PRKN: variants seen among roughly 807,000 people sequenced by gnomAD.
PRKN encodes the protein parkin RBR E3 ubiquitin protein ligase, also known as E3 ubiquitin-protein ligase parkin.
A neutral mutation model predicts 59.5 loss-of-function variants in PRKN; 56 were observed. The ratio of observed to expected loss-of-function variants is 0.94; its 90% CI spans 0.76 to 1.18. PRKN has a LOEUF of 1.18. PRKN is among the 50% of genes most tolerant of loss of function. The pLI, the probability that PRKN is intolerant of heterozygous loss-of-function variation, is 0.00. For synonymous variants in PRKN, 250 were observed against 222.1 expected (o/e 1.13, Z -1.12); for missense variants, 657 against 596.4 (o/e 1.10, Z -1.06).
intron 1 of PRKN, among the ~76,000 whole-genome samples, chr6:162,569,984 C>G (rs1780250631): frequency 6.6e-6 from 1 of 152,038 alleles, no homozygotes; most frequent in South Asian, 2.1e-4. Flanking sequence ...GGCTTCTGCA[C>G]AGTAAAAGGA....
chr6:162,229,129 A>C (rs1469685526), intron 3 of PRKN, among the ~76,000 whole-genome samples: 1 of 152,140 alleles, frequency 6.6e-6, no homozygotes, highest in East Asian at 1.9e-4. Flanking sequence ...AGATTTGTAC[A>C]GCAAATTGTC....
chr6:162,725,044 T>C (rs775014177), intron 1 of PRKN, among the ~76,000 whole-genome samples: 1 of 152,208 alleles, frequency 6.6e-6, no homozygotes, highest in Non-Finnish European at 1.5e-5. Context: ...CTAGCCCACC[T>C]CCGTTTGTGA....
intron 4 of PRKN, among the ~76,000 whole-genome samples, chr6:162,099,477 T>C (rs1032047025): frequency 1.3e-5 from 2 of 152,204 alleles, no homozygotes; most frequent in South Asian, 2.1e-4. Context: ...CAATGACTTC[T>C]AGCACTTTTA....
At chr6:161,999,284 C>T (rs1198733593) in intron 5 of PRKN, among the ~76,000 whole-genome samples, 3 of 151,950 alleles carry the variant, frequency 2.0e-5, no homozygotes, top group Non-Finnish European at 2.9e-5. Context: ...TGGGGTGGGG[C>T]GGAGGAGATG....
intron 7 of PRKN, among the ~76,000 whole-genome samples, chr6:161,763,686 C>A (rs1170964827): frequency 6.6e-6 from 1 of 152,050 alleles, no homozygotes; most frequent in Non-Finnish European, 1.5e-5. Context: ...GCCCCTTTCC[C>A]CCCCACAACG....
chr6:161,422,274 C>T (rs1788139490), intron 9 of PRKN, among the ~76,000 whole-genome samples: 1 of 150,510 alleles, frequency 6.6e-6, no homozygotes, highest in South Asian at 2.1e-4. Context: ...TCTCGGCTCA[C>T]TGCAACCTCT....
At chr6:162,180,208 C>T (rs953799923) in intron 4 of PRKN, among the ~76,000 whole-genome samples, 4 of 152,032 alleles carry the variant, frequency 2.6e-5, no homozygotes, top group African/African-American at 9.7e-5. Context: ...GCCTGTTTTC[C>T]CCAACTAAAC....
intron 6 of PRKN, among the ~76,000 whole-genome samples, chr6:161,855,385 TTTC>T (rs1466933799): frequency 5.3e-5 from 8 of 152,192 alleles, no homozygotes; most frequent in African/African-American, 1.9e-4. Context: ...CCATCTCAGC[TTTC>T]TTCTTCATTT....
intron 7 of PRKN, among the ~76,000 whole-genome samples, chr6:161,733,102 G>A (rs1263159108): frequency 6.6e-6 from 1 of 152,044 alleles, no homozygotes; most frequent in Non-Finnish European, 1.5e-5. Flanking sequence ...CATGCTACTG[G>A]GTATATGAGG....
intron 1 of PRKN, among the ~76,000 whole-genome samples, chr6:162,510,109 G>A (rs966673406): frequency 3.9e-5 from 6 of 152,064 alleles, no homozygotes; most frequent in Admixed American, 3.9e-4. Flanking sequence ...CATTTTCTCC[G>A]ATGTAACATT....
intron 6 of PRKN, among the ~76,000 whole-genome samples, chr6:161,890,383 C>T (rs1795298381): frequency 2.0e-5 from 3 of 152,156 alleles, no homozygotes; most frequent in Admixed American, 2.0e-4. Context: ...CTTGGCATCG[C>T]ATCACACTCA....
chr6:162,686,165 A>T (rs1487211095), intron 1 of PRKN, among the ~76,000 whole-genome samples: 1 of 152,080 alleles, frequency 6.6e-6, no homozygotes, highest in Non-Finnish European at 1.5e-5. Flanking sequence ...ATAGGAAGTG[A>T]TCAATCAAAT....
intron 6 of PRKN, among the ~76,000 whole-genome samples, chr6:161,903,641 A>G (rs1025473728): frequency 6.6e-6 from 1 of 152,154 alleles, no homozygotes; most frequent in African/African-American, 2.4e-5. Context: ...TATTCCTAAC[A>G]AAACCTACAA....
At position 161,544,505 on chromosome 6, in the gene PRKN, TATTCATTC is replaced by T. The variant is rs60414258; in HGVS notation, c.1083+4341_1083+4348del. Among the ~76,000 whole-genome samples the T allele has an allele frequency of 0.35, 43,065 of 122,670 alleles. 6,473 individuals are homozygous for T. Among genetic ancestry groups the T allele is most frequent in the Middle Eastern group, 0.43 (103 of 240 alleles). The allele number at this position is 122,670 out of a possible 152,430, so 80.5% of individuals were successfully genotyped here. A position where few individuals can be genotyped will look rare whatever the true frequency, so the allele number is the denominator to read the frequency against. On this transcript the variant is annotated intron_variant, in intron 9 of 11. Transcript: ENST00000366898. This position sits in a 1 kb window ranked among gnomAD's most constrained non-coding sequence, Gnocchi z 5.5. ...TTAAGATTCACTCAACCATTTATTTTATTCATTCATTCATTCATTCATTCATTCATTCA... is the reference window on the plus strand; with the variant it reads ...TTAAGATTCACTCAACCATTTATTTTATTCATTCATTCATTCATTCATTCA...
chr6:162,387,181 A>G (rs1179815108), intron 2 of PRKN, among the ~76,000 whole-genome samples: 1 of 151,414 alleles, frequency 6.6e-6, no homozygotes, highest in Non-Finnish European at 1.5e-5. Context: ...TAGAAGGTTC[A>G]TAAAGGCAAC....
chr6:161,809,039 A>G (rs1316332378), intron 6 of PRKN, among the ~76,000 whole-genome samples: 1 of 152,048 alleles, frequency 6.6e-6, no homozygotes, highest in Non-Finnish European at 1.5e-5. Flanking sequence ...TGGGGTTTCT[A>G]CTTGTTGCCA....
At chr6:162,607,552 T>A (rs80213081) in intron 1 of PRKN, among the ~76,000 whole-genome samples, 377 of 151,668 alleles carry the variant, frequency 2.5e-3, no homozygotes, top group African/African-American at 8.5e-3. Context: ...GTTTTTTTTT[T>A]TAATGGGGGA....
intron 5 of PRKN, among the ~76,000 whole-genome samples, chr6:161,997,845 G>A (rs1297520967): frequency 1.3e-5 from 2 of 152,112 alleles, no homozygotes; most frequent in East Asian, 3.9e-4. Context: ...CTCAATGAAT[G>A]TATCATTACT....
Position 161,552,665 on chromosome 6 carries a change from CT to C in PRKN, c.934-3663del, listed in dbSNP as rs1283015885. Among the ~76,000 whole-genome samples, 2 of 152,060 alleles carry C rather than the reference CT, an allele frequency of 1.3e-5. No homozygotes were observed. The highest frequency in any genetic ancestry group is 1.3e-4 in the Admixed American group (2 of 15,276). On this transcript the variant is annotated intron_variant, in intron 8 of 11. Coordinates refer to ENST00000366898, the MANE Select transcript of PRKN (RefSeq NM_004562.3). The surrounding 1 kb of genome is among the most constrained non-coding windows in gnomAD (Gnocchi z 4.9). ...GCTTAATACATTATAAAGTGACCAA[CT>C]TTTTAAACACTACCCAGGCCAAGAC...
Sources: allele counts gnomAD v4.1 joint callset (sites outside exome capture counted in the v4.1 genomes callset), GRCh38; gene constraint gnomAD v4.1.1; non-coding constraint Gnocchi (gnomAD v3.1); transcripts MANE v1.5; gene names NCBI Gene and HGNC (gene_info 2026-07-23, HGNC 2026-07-21).